The following INPP4B variants were observed in gnomAD, a reference collection of about 807,000 sequenced individuals.
INPP4B encodes inositol polyphosphate-4-phosphatase type II B, also known as inositol polyphosphate 4-phosphatase type II.
INPP4B carries 55 observed loss-of-function variants against 122.5 expected under a neutral mutation model. That is an observed-to-expected ratio of 0.45 (90% confidence interval 0.36 to 0.56). The LOEUF (loss-of-function observed/expected upper bound fraction) is 0.56, where lower values mean the gene tolerates loss of function less well. INPP4B is among the 20% of genes least tolerant of loss of function. INPP4B has a pLI of 0.00. For missense variants in INPP4B, 1,000 were observed against 1,097.7 expected (o/e 0.91, Z 1.26); for synonymous variants, 403 against 388.7 (o/e 1.04, Z -0.43).
chr4:142,640,940 T>C (rs1366198468), intron 2 of INPP4B, among the ~76,000 whole-genome samples: 1 of 152,184 alleles, frequency 6.6e-6, no homozygotes, highest in Non-Finnish European at 1.5e-5. Flanking sequence ...TGGATGAAGA[T>C]GTGAAGTAGT....
In INPP4B at chr4:142,425,869, CCAAG is replaced by C. The variant is rs1472107951; in HGVS notation, c.136+3300_136+3303del. 7.2e-5 allele frequency among the ~76,000 whole-genome samples: 11 copies of C among 152,096 alleles called. No homozygotes were observed. In the East Asian group the frequency reaches 1.9e-3, roughly 27 times the overall value. ...CTTATTAATGCTTTCACTCTAGCTT[CCAAG>C]CCCCCATTCGTATCACAATCAACCC... On this transcript the variant is annotated intron_variant, in intron 5 of 25. Coordinates refer to ENST00000262992, the MANE Select transcript of INPP4B (RefSeq NM_001101669.3).
rs779263440 is a variant in INPP4B at position 142,027,529 on chromosome 4, A to G, written c.*1253T>C. 14 of 152,218 alleles carry G rather than the reference A, an allele frequency of 9.2e-5. No individual in the cohort carries two copies. The highest frequency in any genetic ancestry group is 2.1e-4 in the Non-Finnish European group (14 of 68,034). 9.4% of individuals were successfully genotyped at this position (152,218 alleles called of 1,614,324 possible). A position where few individuals can be genotyped will look rare whatever the true frequency, so the allele number is the denominator to read the frequency against. On this transcript the variant is annotated 3_prime_UTR_variant, in exon 26 of 26. Transcript: ENST00000262992. ...GTTTCAATTCCAGTGATAAATCCTA[A>G]TTTCTTTTTAACTAGCATTCTCCCT...
chr4:142,711,126 G>C (rs569308266), intron 2 of INPP4B, among the ~76,000 whole-genome samples: 1 of 152,228 alleles, frequency 6.6e-6, no homozygotes, highest in East Asian at 1.9e-4. Flanking sequence ...TAGCTAGAAT[G>C]GCCTTAGTGA....
At chr4:142,358,535 T>G (rs1208230129) in intron 7 of INPP4B, among the ~76,000 whole-genome samples, 2 of 151,618 alleles carry the variant, frequency 1.3e-5, no homozygotes, top group Admixed American at 6.6e-5. Flanking sequence ...ATTATAAAAT[T>G]TAGCTGCATA....
chr4:142,569,988 T>C (rs961693206), intron 2 of INPP4B, among the ~76,000 whole-genome samples: 1 of 152,072 alleles, frequency 6.6e-6, no homozygotes, highest in Non-Finnish European at 1.5e-5. Flanking sequence ...CTTAGTTGAG[T>C]AGCTAGGTGC....
chr4:142,423,190 T>C (rs1807308148), intron 5 of INPP4B, among the ~76,000 whole-genome samples: 1 of 152,094 alleles, frequency 6.6e-6, no homozygotes, highest in Admixed American at 6.6e-5. Context: ...AAGTTGGGCC[T>C]CTTATGATTT....
chr4:142,124,666 C>T lies in INPP4B; in HGVS notation c.1815G>A (p.Val605=), dbSNP rs988714157. The change falls in exon 19 of 26, where the codon GTG becomes GTA. Residue 605 remains valine, a synonymous_variant. Coordinates refer to ENST00000262992, the MANE Select transcript of INPP4B (RefSeq NM_001101669.3). ...VNRAKQSLTF[V]LLQELAYSLP... ...AGCTGTACGCAAGTTCCTGAAGGAGCACAAATGTCAGGGACTGCTTGGCTC... is the reference window on the plus strand; with the variant it reads ...AGCTGTACGCAAGTTCCTGAAGGAGTACAAATGTCAGGGACTGCTTGGCTC... The T allele has an allele frequency of 1.9e-6, 3 of 1,613,218 alleles. No homozygotes were observed. Among genetic ancestry groups the T allele is most frequent in the African/African-American group, 2.7e-5 (2 of 74,862 alleles).
intron 15 of INPP4B, among the ~76,000 whole-genome samples, chr4:142,178,825 C>T (rs1376768961): frequency 2.1e-4 from 19 of 89,070 alleles, no homozygotes; most frequent in African/African-American, 7.8e-4. Context: ...TAGCTCAAAC[C>T]CTACTTGTAA....
chr4:142,587,244 A>C (rs901104489), intron 2 of INPP4B, among the ~76,000 whole-genome samples: 8 of 152,088 alleles, frequency 5.3e-5, no homozygotes. Flanking sequence ...CACCCCATCC[A>C]TTTTTAAGAG....
chr4:142,029,707 T>C, intron 25 of INPP4B: 1 of 989,554 alleles, frequency 1.0e-6, no homozygotes. Context: ...GCATCTATGA[T>C]ATTAGCACAG....
chr4:142,607,341 C>A (rs752097042), intron 2 of INPP4B, among the ~76,000 whole-genome samples: 1 of 151,956 alleles, frequency 6.6e-6, no homozygotes, highest in Non-Finnish European at 1.5e-5. Context: ...CTATTAAAGG[C>A]TATAGCAGTA....
chr4:142,488,214 A>C (rs567958097), intron 2 of INPP4B, among the ~76,000 whole-genome samples: 1 of 152,158 alleles, frequency 6.6e-6, no homozygotes, highest in Non-Finnish European at 1.5e-5. Context: ...TTAATTTTTA[A>C]ATGTTGAACC....
At chr4:142,509,435 T>G (rs1824431094) in intron 2 of INPP4B, among the ~76,000 whole-genome samples, 1 of 152,096 alleles carries the variant, frequency 6.6e-6, no homozygotes, top group African/African-American at 2.4e-5. Context: ...TGTCCATGTG[T>G]TCTCATTGTT....
chr4:142,209,006 A>C lies in INPP4B; in HGVS notation c.857T>G (p.Leu286Arg). The change falls in exon 13 of 26, where the codon CTT becomes CGT. Residue 286 changes from leucine to arginine, a missense_variant. By Grantham distance (102) the Leu-to-Arg change is moderately radical. Transcript: ENST00000262992. Reference protein sequence around the residue: ...DLCRNQEIKELGELSPHWDNL... With the variant: ...DLCRNQEIKERGELSPHWDNL... ...GTCCCAATGTGGAGAAAGCTCACCA[A>C]GTTCTTTTATCTCCTGGTTTCTGTT... The C allele has an allele frequency of 6.2e-7, 1 of 1,603,792 alleles. No individual in the cohort carries two copies. The highest frequency in any genetic ancestry group is 8.5e-7 in the Non-Finnish European group (1 of 1,173,542).
chr4:142,772,941 T>C (rs1226317472), intron 1 of INPP4B, among the ~76,000 whole-genome samples: 2 of 151,944 alleles, frequency 1.3e-5, no homozygotes, highest in Admixed American at 1.3e-4. Context: ...AACTACTTGA[T>C]AGGCTGAGTC....
chr4:142,565,440 G>A (rs1233643681), intron 2 of INPP4B, among the ~76,000 whole-genome samples: 1 of 152,158 alleles, frequency 6.6e-6, no homozygotes, highest in East Asian at 1.9e-4. Context: ...TAACGTAAGG[G>A]TTCATGTGTC....
chr4:142,063,332 T>C (rs1040234606), intron 25 of INPP4B, among the ~76,000 whole-genome samples: 2 of 152,118 alleles, frequency 1.3e-5, no homozygotes, highest in Non-Finnish European at 2.9e-5. Flanking sequence ...GCCCAAGCCA[T>C]GAGAATTAGA....
chr4:142,290,935 G>A (rs951924413), intron 9 of INPP4B, among the ~76,000 whole-genome samples: 3 of 152,110 alleles, frequency 2.0e-5, no homozygotes, highest in African/African-American at 7.2e-5. Context: ...TGGCAGCTAT[G>A]TACCAGGCAC....
intron 2 of INPP4B, among the ~76,000 whole-genome samples, chr4:142,528,600 T>C (rs904489791): frequency 1.3e-5 from 2 of 152,040 alleles, no homozygotes; most frequent in African/African-American, 2.4e-5. Flanking sequence ...CATATTCTAT[T>C]TGTTAGCAGC....
Sources: gnomAD v4.1 joint callset for allele counts (sites outside exome capture counted in the v4.1 genomes callset) on GRCh38, gnomAD v4.1.1 for gene constraint, MANE v1.5 for transcripts, NCBI Gene and HGNC (gene_info 2026-07-23, HGNC 2026-07-21) for gene names.